NACC1: variants seen among roughly 807,000 people sequenced by gnomAD.
The protein encoded by NACC1 is nucleus accumbens-associated protein 1.
In NACC1, 6 loss-of-function variants were observed where a neutral mutation model predicts 41.7. That is an observed-to-expected ratio of 0.14 (90% CI 0.08 to 0.28). NACC1 has a LOEUF of 0.28. Among genes scored for constraint, NACC1 ranks in the 10% least tolerant of loss-of-function variants. The pLI, the probability that NACC1 is intolerant of heterozygous loss-of-function variation, is 1.00. For synonymous variants in NACC1, 338 were observed against 330.6 expected (o/e 1.02, Z -0.24); for missense variants, 434 against 763.7 (o/e 0.57, Z 5.09).
At chr19:13,120,618 C>T (rs1455756599) in intron 1 of NACC1, among the ~76,000 whole-genome samples, 1 of 152,228 alleles carries the variant, frequency 6.6e-6, no homozygotes, top group Non-Finnish European at 1.5e-5. Context: ...CCAGCAGTCC[C>T]GCAAAGAGAC....
chr19:13,137,403 A>AG lies in NACC1; in HGVS notation c.1226+33dup, dbSNP rs751066940. On this transcript the variant is annotated intron_variant, in intron 4 of 5. Coordinates refer to ENST00000292431, the MANE Select transcript of NACC1 (RefSeq NM_052876.4). The surrounding 1 kb of genome is among the most constrained non-coding windows in gnomAD (Gnocchi z 6.1). ...TAAGGCCCTTGCCAGAGCCCCAGGG[A>AG]GGGGGGTGGGGTTTCCCCATGTCCC... 1 of 1,478,058 alleles carries AG rather than the reference A, an allele frequency of 6.8e-7. No individual in the cohort carries two copies. The highest frequency in any genetic ancestry group is 2.3e-5 in the East Asian group (1 of 43,624). The allele number at this position is 1,478,058 out of a possible 1,614,324, so 91.6% of individuals were successfully genotyped here.
chr19:13,121,484 G>A (rs1248146665), intron 1 of NACC1, among the ~76,000 whole-genome samples: 2 of 152,182 alleles, frequency 1.3e-5, no homozygotes, highest in South Asian at 2.1e-4. Flanking sequence ...CCTCCTGGCC[G>A]GGCAGCAGGG....
chr19:13,131,285 T>C (rs1355359445), intron 1 of NACC1, among the ~76,000 whole-genome samples: 1 of 152,178 alleles, frequency 6.6e-6, no homozygotes, highest in Non-Finnish European at 1.5e-5. Context: ...GTGCAGGATT[T>C]TGGCAGCACT....
chr19:13,121,022 G>A (rs113462226), intron 1 of NACC1, among the ~76,000 whole-genome samples: 49 of 152,332 alleles, frequency 3.2e-4, no homozygotes, highest in African/African-American at 7.5e-4. Flanking sequence ...GCTCTCAAGC[G>A]ACCAAACTTT....
In NACC1 at chr19:13,136,326, TATC is replaced by T; in HGVS notation, c.1043_1045del (p.Ile348del). Reference sequence around the variant, plus strand: ...ACCTGGCGTCTCTCCCGGCTGAACTTATCAACCAGATTGGGAACCGCTGCCACC... The same window carrying T: ...ACCTGGCGTCTCTCCCGGCTGAACTTAACCAGATTGGGAACCGCTGCCACC... On this transcript the variant is annotated inframe_deletion, in exon 3 of 6. Transcript: ENST00000292431. The surrounding 1 kb of genome is among the most constrained non-coding windows in gnomAD (Gnocchi z 5.5). The T allele has an allele frequency of 6.2e-7, 1 of 1,613,996 alleles. No individual in the cohort carries two copies. The highest frequency in any genetic ancestry group is 1.7e-4 in the Middle Eastern group (1 of 6,060).
chr19:13,137,410 T>C lies in NACC1; in HGVS notation c.1226+34T>C. The stretch of plus-strand genomic sequence containing the variant: ...CTTGCCAGAGCCCCAGGGAGGGGGG[T>C]GGGGTTTCCCCATGTCCCCCCCACC... On this transcript the variant is annotated intron_variant, in intron 4 of 5. Transcript: ENST00000292431. This position sits in a 1 kb window ranked among gnomAD's most constrained non-coding sequence, Gnocchi z 6.1. 2 of 942,322 alleles carry C rather than the reference T, an allele frequency of 2.1e-6. No individual in the cohort carries two copies. Among genetic ancestry groups the C allele is most frequent in the African/African-American group, 1.6e-5 (1 of 60,846 alleles). The allele number at this position is 942,322 out of a possible 1,614,324, so 58.4% of individuals were successfully genotyped here.
At position 13,136,766 on chromosome 19, in the gene NACC1, G is replaced by A. The variant is rs184128826; in HGVS notation, c.1120+361G>A. Among the ~76,000 whole-genome samples, 1 of 152,176 alleles carries A rather than the reference G, an allele frequency of 6.6e-6. No individual in the cohort carries two copies. Among genetic ancestry groups the A allele is most frequent in the East Asian group, 1.9e-4 (1 of 5,192 alleles). ...TCCTAGCTACTCAGGAGGCTGAGGT[G>A]GGAGGATCCCTTGAGCCCAGGAGGT... On this transcript the variant is annotated intron_variant, in intron 3 of 5. Coordinates refer to ENST00000292431, the MANE Select transcript of NACC1 (RefSeq NM_052876.4). The surrounding 1 kb of genome is among the most constrained non-coding windows in gnomAD (Gnocchi z 5.5).
rs1166627703 is a variant in NACC1 at position 13,136,032 on chromosome 19, T to C, written c.825T>C (p.Pro275=). The part of the protein sequence containing the change: ...GTSSAYTSDS[P]GSYHNEEDEE... The stretch of plus-strand genomic sequence containing the variant: ...CAAGCGCCTACACCAGCGACAGCCC[T>C]GGCTCCTACCACAATGAGGAGGACG... Residue 275 remains proline (P), a synonymous_variant, in exon 2 of 6, where the codon CCT becomes CCC. Transcript: ENST00000292431. The surrounding 1 kb of genome is among the most constrained non-coding windows in gnomAD (Gnocchi z 5.5). 6.2e-7 allele frequency: 1 copy of C among 1,614,010 alleles called. No homozygotes were observed. Among genetic ancestry groups the C allele is most frequent in the Admixed American group, 1.7e-5 (1 of 60,014 alleles).
At chr19:13,129,008 A>T (rs2019598463) in intron 1 of NACC1, among the ~76,000 whole-genome samples, 1 of 151,828 alleles carries the variant, frequency 6.6e-6, no homozygotes, top group Admixed American at 6.6e-5. Context: ...GCCCTTGGGG[A>T]GTTTATAGTC....
chr19:13,130,911 A>G (rs1008162573), intron 1 of NACC1, among the ~76,000 whole-genome samples: 1 of 152,012 alleles, frequency 6.6e-6, no homozygotes, highest in African/African-American at 2.4e-5. Context: ...GTAGGCCAGG[A>G]CCCCACCTGT....
At chr19:13,129,868 A>G (rs563603266) in intron 1 of NACC1, among the ~76,000 whole-genome samples, 1 of 151,602 alleles carries the variant, frequency 6.6e-6, no homozygotes, top group Admixed American at 6.6e-5. Flanking sequence ...CCATTGCCAA[A>G]TGGGGGGGTT....
chr19:13,129,913 C>CTT (rs1215571037), intron 1 of NACC1, among the ~76,000 whole-genome samples: 4 of 138,508 alleles, frequency 2.9e-5, no homozygotes, highest in Admixed American at 2.8e-4. Flanking sequence ...GAGACCCTGT[C>CTT]TTTAAAAAAA....
upstream of NACC1, chr19:13,117,513 T>C (rs987720631): frequency 6.6e-6 from 1 of 152,164 alleles, no homozygotes; most frequent in African/African-American, 2.4e-5. Flanking sequence ...TGTGTGATGA[T>C]CTTGACCAGC....
rs2019716887 is a variant in NACC1, at chr19:13,137,065, A to C, written c.1121-206A>C. Among the ~76,000 whole-genome samples the C allele has an allele frequency of 6.6e-6, 1 of 152,124 alleles. No homozygotes were observed. Among genetic ancestry groups the C allele is most frequent in the South Asian group, 2.1e-4 (1 of 4,832 alleles). On this transcript the variant is annotated intron_variant, in intron 3 of 5. Coordinates refer to ENST00000292431, the MANE Select transcript of NACC1 (RefSeq NM_052876.4). This position sits in a 1 kb window ranked among gnomAD's most constrained non-coding sequence, Gnocchi z 6.1. ...CAACCCTTTCTGTCCTTTCCTGAGCACTGATGAGGTTGGGGGAGCCCCAAG... is the reference window on the plus strand; with the variant it reads ...CAACCCTTTCTGTCCTTTCCTGAGCCCTGATGAGGTTGGGGGAGCCCCAAG...
chr19:13,125,584 CT>C (rs2019551920), intron 1 of NACC1, among the ~76,000 whole-genome samples: 20 of 151,820 alleles, frequency 1.3e-4, no homozygotes, highest in Admixed American at 1.2e-3. Flanking sequence ...GCATGCCAGG[CT>C]AATTTTGTAT....
chr19:13,127,920 A>T (rs1305497150), intron 1 of NACC1, among the ~76,000 whole-genome samples: 1 of 152,088 alleles, frequency 6.6e-6, no homozygotes, highest in Non-Finnish European at 1.5e-5. Context: ...TCCCATTCCC[A>T]TTCTAGTAGG....
At chr19:13,130,038 T>TTGGTGGGG (rs1392125512) in intron 1 of NACC1, among the ~76,000 whole-genome samples, 34 of 152,036 alleles carry the variant, frequency 2.2e-4, no homozygotes, top group African/African-American at 7.0e-4. Flanking sequence ...TTGGTTGGTT[T>TTGGTGGGG]TGGTGGGGTA....
At chr19:13,125,513 C>G (rs2019551346) in intron 1 of NACC1, among the ~76,000 whole-genome samples, 2 of 151,004 alleles carry the variant, frequency 1.3e-5, no homozygotes, top group Non-Finnish European at 1.5e-5. Context: ...CTCCGCCTCC[C>G]AGGTTCAAGC....
intron 1 of NACC1, chr19:13,132,408 T>TAAA (rs34652828): frequency 3.5e-5 from 4 of 114,672 alleles, no homozygotes; most frequent in Non-Finnish European, 7.1e-5. Context: ...GACTCTGTCT[T>TAAA]AAAAAAAAAA....
Sources: allele counts gnomAD v4.1 joint callset (sites outside exome capture counted in the v4.1 genomes callset), GRCh38; gene constraint gnomAD v4.1.1; non-coding constraint Gnocchi (gnomAD v3.1); transcripts MANE v1.5; gene names NCBI Gene and HGNC (gene_info 2026-07-23, HGNC 2026-07-21).